The following TMC3 variants were observed in gnomAD, a reference collection of about 807,000 sequenced individuals.
TMC3 encodes transmembrane channel like 3.
Under a neutral mutation model 110.6 loss-of-function variants are expected in TMC3, and 98 were observed. The observed-to-expected ratio is 0.89, with a 90% CI of 0.75 to 1.05. The LOEUF (loss-of-function observed/expected upper bound fraction) is 1.05, where lower values mean the gene tolerates loss of function less well. Among genes scored for constraint, TMC3 ranks in the 50% least tolerant of loss-of-function variants. TMC3 has a pLI of 0.00. For missense variants in TMC3, 1,319 were observed against 1,373.2 expected (o/e 0.96, Z 0.62); for synonymous variants, 489 against 513.1 (o/e 0.95, Z 0.63).
At chr15:81,341,253 A>C in intron 16 of TMC3, 137 bp downstream of exon 16, 1 of 897,792 alleles carries the variant, frequency 1.1e-6, no homozygotes, top group Non-Finnish European at 1.6e-6. Flanking sequence ...GGAGGAGACA[A>C]AATTGGAGGA....
chr15:81,338,727 G>T lies in TMC3; in HGVS notation c.2009C>A (p.Pro670His). 1.9e-6 allele frequency: 3 copies of T among 1,613,970 alleles called. No homozygotes were observed. Among genetic ancestry groups the T allele is most frequent in the Non-Finnish European group, 2.5e-6 (3 of 1,179,880 alleles). ...IVSETIEKDF[P>H]VWFGSVVGHI... ...TCCAACCACGGAGCCAAACCACACA[G>T]GAAAGTCTTTCTCAATCGTTTCTGA... The change falls in exon 18 of 22, where the codon CCT (proline) becomes CAT (histidine). Residue 670 changes from proline (P) to histidine (H), a missense_variant. Transcript: ENST00000359440.
intron 2 of TMC3, among the ~76,000 whole-genome samples, chr15:81,368,756 A>G (rs1894371995): frequency 6.6e-6 from 1 of 152,120 alleles, no homozygotes. Context: ...AATCTGCCTC[A>G]AGTAAAGGTT....
At chr15:81,365,386 A>G (rs1465573858) in intron 3 of TMC3, among the ~76,000 whole-genome samples, 4 of 152,260 alleles carry the variant, frequency 2.6e-5, no homozygotes, top group Admixed American at 6.5e-5. Flanking sequence ...AGAAACAGAA[A>G]AAAGGGCCGG....
Position 81,348,996 on chromosome 15 carries a change from T to A in TMC3, c.1193+462A>T, listed in dbSNP as rs1002497814. ...CCCAGCTATTTTTTAATTTTTTAAA[T>A]TTTTTTTTATTTTTAGTAGAGACAG... On this transcript the variant is annotated intron_variant, in intron 11 of 21. Coordinates refer to ENST00000359440, the MANE Select transcript of TMC3 (RefSeq NM_001080532.3). 4.0e-5 allele frequency among the ~76,000 whole-genome samples: 6 copies of A among 151,730 alleles called. No individual in the cohort carries two copies. In the East Asian group the frequency reaches 1.2e-3, roughly 29 times the overall value.
intron 3 of TMC3, among the ~76,000 whole-genome samples, chr15:81,365,389 A>G (rs145354728): frequency 0.033 from 4,994 of 152,264 alleles, 51 homozygotes; most frequent in East Asian, 0.15. Context: ...AACAGAAAAA[A>G]GGGCCGGGCG....
rs747155405 is a variant in TMC3 at position 81,337,851 on chromosome 15, G to A, written c.2155C>T (p.Gln719Ter). The A allele has an allele frequency of 1.9e-6, 3 of 1,613,416 alleles. No homozygotes were observed. Among genetic ancestry groups the A allele is most frequent in the Non-Finnish European group, 2.5e-6 (3 of 1,179,356 alleles). Residue 719 changes from glutamine (Q) to a stop codon, truncating the protein, a stop_gained, in exon 19 of 22, where the codon CAA (glutamine) becomes TAA (stop). Transcript: ENST00000359440. LOFTEE classifies it high-confidence loss of function. ...AAAGTTCATGAAATACTTGCGTTTT[G>A]GATCTGCATTTTGAGCTGGTGGTTG... The part of the protein sequence containing the change: ...LSNHQLKMQI[Q>*]NARSEDKKKV...
intron 2 of TMC3, among the ~76,000 whole-genome samples, chr15:81,372,035 T>G (rs952505045): frequency 7.9e-5 from 12 of 152,192 alleles, no homozygotes; most frequent in Non-Finnish European, 1.3e-4. Flanking sequence ...TTTTTAAATC[T>G]TTAGCACTTT....
In TMC3 at chr15:81,338,764, A is replaced by G. The variant is rs769431758; in HGVS notation, c.1972T>C (p.Tyr658His). Reference sequence around the variant, plus strand: ...TCAATCGTTTCTGACACAATGTCATAAATTTTCTCTTGTCCACTGTGAGAA... The same window carrying G: ...TCAATCGTTTCTGACACAATGTCATGAATTTTCTCTTGTCCACTGTGAGAA... Reference protein sequence around the residue: ...CGPFSGQEKIYDIVSETIEKD... With the variant: ...CGPFSGQEKIHDIVSETIEKD... Residue 658 changes from tyrosine (Y) to histidine (H), a missense_variant, in exon 18 of 22, where the codon TAT becomes CAT. Physicochemically the swap from Tyr to His is moderately conservative, Grantham distance 83 (BLOSUM62 2). Transcript: ENST00000359440. The G allele has an allele frequency of 1.9e-6, 3 of 1,613,868 alleles. No homozygotes were observed. The highest frequency in any genetic ancestry group is 1.1e-5 in the South Asian group (1 of 91,064).
intron 11 of TMC3, 105 bp downstream of exon 11, chr15:81,349,349 TTGTC>T (rs567186420): frequency 1.8e-3 from 1,028 of 567,694 alleles, no homozygotes; most frequent in Admixed American, 2.8e-3. Context: ...TCTGTGCTGA[TTGTC>T]TGAGAGAAAA....
At chr15:81,335,017 G>A (rs370322993) in intron 20 of TMC3, 42 bp from the exon 21 acceptor site, 2 of 1,602,172 alleles carry the variant, frequency 1.2e-6, no homozygotes. Flanking sequence ...AGGTGTCACT[G>A]AGCAGGTGAC....
Position 81,359,444 on chromosome 15 carries a change from T to C in TMC3, c.422A>G (p.Tyr141Cys). The change falls in exon 5 of 22, where the codon TAT becomes TGT. Residue 141 changes from tyrosine to cysteine, a missense_variant. Transcript: ENST00000359440. ...ESHFGSGVAS[Y>C]FIFLRWLFGI... Reference sequence around the variant, plus strand: ...AAATAACCATCTCAAGAATATGAAATAGGAGGCAACGCCAGATCCAAAATG... The same window carrying C: ...AAATAACCATCTCAAGAATATGAAACAGGAGGCAACGCCAGATCCAAAATG... 2 of 1,601,650 alleles carry C rather than the reference T, an allele frequency of 1.2e-6. No individual in the cohort carries two copies. The highest frequency in any genetic ancestry group is 1.7e-6 in the Non-Finnish European group (2 of 1,175,118).
Position 81,331,804 on chromosome 15 carries a change from A to T in TMC3, c.*615T>A, listed in dbSNP as rs1893467383. The T allele has an allele frequency of 6.6e-6, 1 of 152,216 alleles. No homozygotes were observed. The highest frequency in any genetic ancestry group is 1.5e-5 in the Non-Finnish European group (1 of 68,062). The allele number at this position is 152,216 out of a possible 1,614,324, so 9.4% of individuals were successfully genotyped here. On this transcript the variant is annotated 3_prime_UTR_variant, in exon 22 of 22. Coordinates refer to ENST00000359440, the MANE Select transcript of TMC3 (RefSeq NM_001080532.3). ...CCTGGTAAGGGAAGAACCTCGAGTGAGCGCGTGCACAACTCCAGTAAACAC... is the reference window on the plus strand; with the variant it reads ...CCTGGTAAGGGAAGAACCTCGAGTGTGCGCGTGCACAACTCCAGTAAACAC...
At chr15:81,364,943 C>T (rs1237645289) in intron 3 of TMC3, among the ~76,000 whole-genome samples, 5 of 150,644 alleles carry the variant, frequency 3.3e-5, no homozygotes, top group African/African-American at 4.9e-5. Flanking sequence ...AACCAGGGGC[C>T]TATATATGCT....
Position 81,338,717 on chromosome 15 carries a change from A to G in TMC3, c.2019T>C (p.Phe673=). 1 of 1,614,056 alleles carries G rather than the reference A, an allele frequency of 6.2e-7. No individual in the cohort carries two copies. Among genetic ancestry groups the G allele is most frequent in the Non-Finnish European group, 8.5e-7 (1 of 1,179,902 alleles). ...ETIEKDFPVW[F]GSVVGHISSP... ...TACTGATGTGTCCAACCACGGAGCC[A>G]AACCACACAGGAAAGTCTTTCTCAA... Residue 673 remains phenylalanine (F), a synonymous_variant, in exon 18 of 22, where the codon TTT becomes TTC. Transcript: ENST00000359440.
intron 1 of TMC3, among the ~76,000 whole-genome samples, chr15:81,373,644 A>G (rs1894485831): frequency 6.6e-6 from 1 of 152,178 alleles, no homozygotes; most frequent in Non-Finnish European, 1.5e-5. Flanking sequence ...TTTATTTATC[A>G]TGATAGACAT....
chr15:81,342,926 G>T (rs1035349870), intron 15 of TMC3: 2 of 196,118 alleles, frequency 1.0e-5, no homozygotes, highest in South Asian at 1.3e-4. Context: ...GGACAGACTG[G>T]CCAAGGTCCC....
At chr15:81,371,230 A>C (rs778996131) in intron 2 of TMC3, among the ~76,000 whole-genome samples, 6 of 152,224 alleles carry the variant, frequency 3.9e-5, no homozygotes, top group Non-Finnish European at 7.3e-5. Flanking sequence ...AACGGACATG[A>C]AAGGCCCATG....
chr15:81,338,816 G>T, intron 17 of TMC3, 36 bp from the exon 18 acceptor site: 1 of 1,608,212 alleles, frequency 6.2e-7, no homozygotes. Context: ...AGATTTTATT[G>T]CTCTTGGCAG....
intron 9 of TMC3, among the ~76,000 whole-genome samples, chr15:81,353,084 A>G (rs1893985773): frequency 6.6e-6 from 1 of 152,166 alleles, no homozygotes; most frequent in Non-Finnish European, 1.5e-5. Flanking sequence ...GGCCTCCCAA[A>G]GTGCTGGGAT....
Sources: gnomAD v4.1 joint callset for allele counts (sites outside exome capture counted in the v4.1 genomes callset) on GRCh38, gnomAD v4.1.1 for gene constraint, MANE v1.5 for transcripts, NCBI Gene and HGNC (gene_info 2026-07-23, HGNC 2026-07-21) for gene names.